Variants in DIABLO observed in about 807,000 individuals in gnomAD.
DIABLO encodes diablo IAP-binding mitochondrial protein.
DIABLO carries 32 observed loss-of-function variants against 31.7 expected under a neutral mutation model. The observed-to-expected ratio is 1.01, with a 90% CI of 0.76 to 1.35. The LOEUF is 1.35. Ranked by LOEUF, DIABLO falls within the 40% of genes most tolerant of loss-of-function variation. The probability of loss-of-function intolerance (pLI) is 0.00; values close to 1 mark genes in which losing one functional copy is unlikely to be tolerated. For missense variants in DIABLO, 316 were observed against 286.4 expected (o/e 1.10, Z -0.75); for synonymous variants, 132 against 103.2 (o/e 1.28, Z -1.69).
intron 5 of DIABLO, among the ~76,000 whole-genome samples, chr12:122,209,261 G>C (rs1310102931): frequency 6.6e-6 from 1 of 152,076 alleles, no homozygotes; most frequent in African/African-American, 2.4e-5. Flanking sequence ...TACTTGGGAG[G>C]CTGAGGCAGG....
chr12:122,222,593 T>TAAAAAAAAAAAAAA (rs1566028336), intron 2 of DIABLO: 7 of 89,842 alleles, frequency 7.8e-5, no homozygotes, highest in African/African-American at 2.2e-4. Context: ...AAAAAAAAAT[T>TAAAAAAAAAAAAAA]TTTGGAATCT....
Position 122,208,396 on chromosome 12 carries a change from G to T in DIABLO, c.705C>A (p.Tyr235Ter). ...EERAESEQEAYLRED is the reference protein window; with the variant it reads ...EERAESEQEA The stretch of plus-strand genomic sequence containing the variant: ...GCTCAGGCCCTCAATCCTCACGCAG[G>T]TAGGCCTCCTGCTCCGACTCAGCCC... The change falls in exon 6 of 6, where the codon TAC (tyrosine) becomes TAA (stop). Residue 235 changes from tyrosine to a stop codon, truncating the protein, a stop_gained. Transcript: ENST00000464942. LOFTEE classifies it high-confidence loss of function. 1 of 1,612,552 alleles carries T rather than the reference G, an allele frequency of 6.2e-7. No individual in the cohort carries two copies. The highest frequency in any genetic ancestry group is 1.1e-5 in the South Asian group (1 of 91,024).
At chr12:122,226,291 G>A (rs530756988), upstream of DIABLO, 11 of 681,918 alleles carry the variant, frequency 1.6e-5, no homozygotes, top group Admixed American at 1.1e-4. Context: ...AGCTGAGTCG[G>A]GCGCCGTGAC....
Position 122,225,951 on chromosome 12 carries a change from G to T in DIABLO, c.50+14C>A. 6.3e-7 allele frequency: 1 copy of T among 1,586,868 alleles called. No homozygotes were observed. Among genetic ancestry groups the T allele is most frequent in the South Asian group, 1.1e-5 (1 of 87,430 alleles). ...CCCTCTGGTCCTGTCCCCTCTACGC[G>T]GCCGCAGCGGTACCTGAAGAATGAA... On this transcript the variant is annotated intron_variant, in intron 1 of 5. Transcript: ENST00000464942.
intron 4 of DIABLO, 32 bp from the exon 5 acceptor site, chr12:122,216,616 C>A (rs537707683): frequency 1.2e-6 from 2 of 1,602,028 alleles, no homozygotes; most frequent in African/African-American, 2.7e-5. Context: ...CTTCAGACAG[C>A]ATAAGAGGTC....
At position 122,216,791 on chromosome 12, in the gene DIABLO, C is replaced by A; in HGVS notation, c.394G>T (p.Val132Leu). 6.2e-7 allele frequency: 1 copy of A among 1,614,208 alleles called. No individual in the cohort carries two copies. The highest frequency in any genetic ancestry group is 1.6e-4 in the Middle Eastern group (1 of 6,062). ...GKMNSEEEDE[V>L]WQVIIGARAE... ...CTGGCTCCTATGATCACCTGCCACA[C>A]TTCATCTTCCTCCTCTGAATTCATT... Residue 132 changes from valine to leucine, a missense_variant, in exon 4 of 6, where the codon GTG becomes TTG. Val to Leu is a conservative substitution (Grantham distance 32). Transcript: ENST00000464942.
chr12:122,209,801 T>C (rs959002725), intron 5 of DIABLO: 10 of 703,482 alleles, frequency 1.4e-5, no homozygotes, highest in African/African-American at 5.2e-5. Flanking sequence ...CAGGACAATG[T>C]TGACAGGTAG....
Position 122,208,173 on chromosome 12 carries a change from G to A in DIABLO, c.*208C>T, listed in dbSNP as rs1953974391. 4 of 705,810 alleles carry A rather than the reference G, an allele frequency of 5.7e-6. No individual in the cohort carries two copies. Among genetic ancestry groups the A allele is most frequent in the Non-Finnish European group, 1.0e-5 (4 of 391,770 alleles). The allele number at this position is 705,810 out of a possible 1,614,324, so 43.7% of individuals were successfully genotyped here. ...AGTGGGGTGAAATGTTAAACAGGGT[G>A]CAGTGCCCAAGGGCTAAGAACCAGG... is the stretch of plus-strand genomic sequence containing the variant. On this transcript the variant is annotated 3_prime_UTR_variant, in exon 6 of 6. Coordinates refer to ENST00000464942, the MANE Select transcript of DIABLO (RefSeq NM_001371333.1).
upstream of DIABLO, chr12:122,226,093 C>A (rs769911321): frequency 9.1e-6 from 14 of 1,541,434 alleles, no homozygotes; most frequent in Non-Finnish European, 1.2e-5. Context: ...CGGCCTCCAC[C>A]TGAGAGCGCC....
chr12:122,224,399 A>G, intron 2 of DIABLO, 113 bp downstream of exon 2: 1 of 1,504,750 alleles, frequency 6.6e-7, no homozygotes, highest in Non-Finnish European at 9.2e-7. Context: ...ACTGTGGGGG[A>G]AGGGATGGGA....
chr12:122,222,946 A>C (rs2136106054), intron 2 of DIABLO, among the ~76,000 whole-genome samples: 1 of 152,028 alleles, frequency 6.6e-6, no homozygotes, highest in East Asian at 1.9e-4. Context: ...CCTAATCTAG[A>C]GAATACACCC....
At chr12:122,212,268 C>T (rs543860687) in intron 5 of DIABLO, among the ~76,000 whole-genome samples, 1 of 152,292 alleles carries the variant, frequency 6.6e-6, no homozygotes, top group East Asian at 1.9e-4. Context: ...ATGTGCTTAG[C>T]ATGTTTTCAC....
chr12:122,224,943 C>A lies in DIABLO; in HGVS notation c.51-299G>T, dbSNP rs986793376. The A allele has an allele frequency of 1.5e-5, 12 of 816,342 alleles. No homozygotes were observed. The African/African-American group carries it at 1.6e-4, about 11-fold the overall frequency. The allele number at this position is 816,342 out of a possible 1,614,324, so 50.6% of individuals were successfully genotyped here. A position where few individuals can be genotyped will look rare whatever the true frequency, so the allele number is the denominator to read the frequency against. Reference sequence around the variant, plus strand: ...GGGCAACATGGCTGGCAACATGACCCCGTGTCTATTAAAAAAAAATAAGTA... The same window carrying A: ...GGGCAACATGGCTGGCAACATGACCACGTGTCTATTAAAAAAAAATAAGTA... On this transcript the variant is annotated intron_variant, in intron 1 of 5. Coordinates refer to ENST00000464942, the MANE Select transcript of DIABLO (RefSeq NM_001371333.1).
At chr12:122,225,668 G>T in intron 1 of DIABLO, 1 of 1,368,942 alleles carries the variant, frequency 7.3e-7, no homozygotes, top group Non-Finnish European at 9.5e-7. Context: ...GTCTCCTCAG[G>T]GACTTCGAGT....
At chr12:122,216,613 C>T in intron 4 of DIABLO, 29 bp from the exon 5 acceptor site, 1 of 1,607,020 alleles carries the variant, frequency 6.2e-7, no homozygotes. Flanking sequence ...GTGCTTCAGA[C>T]AGCATAAGAG....
chr12:122,211,122 G>A (rs529652049), intron 5 of DIABLO, among the ~76,000 whole-genome samples: 10 of 126,370 alleles, frequency 7.9e-5, no homozygotes, highest in African/African-American at 2.4e-4. Context: ...AATCACAGAC[G>A]GGCACAGTGG....
chr12:122,224,975 G>A (rs1954420288), intron 1 of DIABLO: 1 of 526,658 alleles, frequency 1.9e-6, no homozygotes, highest in Admixed American at 3.7e-5. Flanking sequence ...AGTAAATAAA[G>A]GCCGAGGCGG....
intron 2 of DIABLO, chr12:122,222,469 G>T (rs1040913837): frequency 6.6e-6 from 1 of 152,142 alleles, no homozygotes; most frequent in African/African-American, 2.4e-5. Flanking sequence ...AGGGTGTGGT[G>T]GCGGGCGCCT....
In DIABLO at chr12:122,216,807, T is replaced by C. The variant is rs765496663; in HGVS notation, c.378A>G (p.Ser126=). 1 of 1,614,208 alleles carries C rather than the reference T, an allele frequency of 6.2e-7. No individual in the cohort carries two copies. Among genetic ancestry groups the C allele is most frequent in the Non-Finnish European group, 8.5e-7 (1 of 1,180,044 alleles). Residue 126 remains serine, a synonymous_variant, in exon 4 of 6, where the codon TCA becomes TCG. Transcript: ENST00000464942. Reference sequence around the variant, plus strand: ...CCTGCCACACTTCATCTTCCTCCTCTGAATTCATTTTCCCAAGTAAACTTG... The same window carrying C: ...CCTGCCACACTTCATCTTCCTCCTCCGAATTCATTTTCCCAAGTAAACTTG... ...QYTSLLGKMN[S]EEEDEVWQVI...
Sources: allele counts gnomAD v4.1 joint callset (sites outside exome capture counted in the v4.1 genomes callset), GRCh38; gene constraint gnomAD v4.1.1; transcripts MANE v1.5; gene names NCBI Gene and HGNC (gene_info 2026-07-23, HGNC 2026-07-21).